The following ARHGAP15 variants were observed in gnomAD, a reference collection of about 807,000 sequenced individuals.
The protein encoded by ARHGAP15 is rho GTPase-activating protein 15.
In ARHGAP15, 51 loss-of-function variants were observed where a neutral mutation model predicts 63.7. That is an observed-to-expected ratio of 0.80 (90% confidence interval 0.64 to 1.01). The LOEUF (loss-of-function observed/expected upper bound fraction) is 1.01. ARHGAP15 is among the 50% of genes least tolerant of loss of function. The probability of loss-of-function intolerance (pLI) is 0.00; values close to 1 mark genes in which losing one functional copy is unlikely to be tolerated. For synonymous variants in ARHGAP15, 191 were observed against 193.8 expected (o/e 0.99, Z 0.12); for missense variants, 560 against 564.6 (o/e 0.99, Z 0.08).
intron 11 of ARHGAP15, among the ~76,000 whole-genome samples, chr2:143,582,644 T>G (rs112993782): frequency 6.6e-6 from 1 of 152,178 alleles, no homozygotes; most frequent in Admixed American, 6.5e-5. Flanking sequence ...TCAGAAAGTC[T>G]GTGTGGGTTG....
chr2:143,452,649 C>T (rs1690459393), intron 8 of ARHGAP15, among the ~76,000 whole-genome samples: 1 of 124,732 alleles, frequency 8.0e-6, no homozygotes, highest in African/African-American at 3.0e-5. Flanking sequence ...CAACTGTGGC[C>T]CCTTTGGATT....
chr2:143,248,919 A>G (rs1023947660), intron 5 of ARHGAP15, among the ~76,000 whole-genome samples: 2 of 152,206 alleles, frequency 1.3e-5, no homozygotes, highest in Non-Finnish European at 2.9e-5. Flanking sequence ...ACTGTATGGG[A>G]AAAATAAGCC....
intron 13 of ARHGAP15, among the ~76,000 whole-genome samples, chr2:143,757,476 A>G (rs746407686): frequency 8.5e-5 from 13 of 152,100 alleles, no homozygotes; most frequent in Non-Finnish European, 1.8e-4. Flanking sequence ...ATGCGACTAC[A>G]TTCCAGCCTG....
intron 10 of ARHGAP15, among the ~76,000 whole-genome samples, chr2:143,532,382 TATA>T (rs1254604306): frequency 6.6e-6 from 1 of 152,230 alleles, no homozygotes; most frequent in Non-Finnish European, 1.5e-5. Flanking sequence ...TTTCCTCACA[TATA>T]ATGTTCATCT....
At chr2:143,382,061 T>TTTCC (rs749074335) in intron 6 of ARHGAP15, among the ~76,000 whole-genome samples, 40 of 150,720 alleles carry the variant, frequency 2.7e-4, no homozygotes, top group Admixed American at 6.6e-4. Context: ...TTCTTGCTTC[T>TTTCC]TTCCTTCCTT....
At chr2:143,631,446 A>C (rs1699067181) in intron 12 of ARHGAP15, among the ~76,000 whole-genome samples, 1 of 152,096 alleles carries the variant, frequency 6.6e-6, no homozygotes, top group South Asian at 2.1e-4. Flanking sequence ...CGTCAACAGT[A>C]TATGAGAGTT....
rs547014569 is a variant in ARHGAP15 at position 143,553,605 on chromosome 2, G to A, written c.926-2803G>A. ...TCCTTTTATGCCAAAAGAAAGTTGT[G>A]TTATTACTTTAGGATGAGGCTGCTT... On this transcript the variant is annotated intron_variant, in intron 10 of 13. Coordinates refer to ENST00000295095, the MANE Select transcript of ARHGAP15 (RefSeq NM_018460.4). 3.9e-5 allele frequency among the ~76,000 whole-genome samples: 6 copies of A among 152,264 alleles called. No homozygotes were observed. The South Asian group carries it at 1.2e-3, about 32-fold the overall frequency.
intron 12 of ARHGAP15, among the ~76,000 whole-genome samples, chr2:143,637,073 C>T (rs901413347): frequency 6.6e-6 from 1 of 150,566 alleles, no homozygotes; most frequent in Non-Finnish European, 1.5e-5. Flanking sequence ...CCAGGAGAGC[C>T]CCACCCTCAT....
chr2:143,309,366 CA>C (rs139575587), intron 6 of ARHGAP15, among the ~76,000 whole-genome samples: 4,423 of 152,090 alleles, frequency 0.029, 104 homozygotes, highest in South Asian at 0.053. Context: ...CCTAAAATCT[CA>C]GAGTCAAGAA....
At chr2:143,134,146 TCTATCTAC>T (rs1399492893) in intron 1 of ARHGAP15, among the ~76,000 whole-genome samples, 60 of 26,848 alleles carry the variant, frequency 2.2e-3, no homozygotes, top group Admixed American at 3.8e-3. Context: ...TATCTATCTA[TCTATCTAC>T]CTATCTATCT....
At chr2:143,463,637 A>C (rs200051571) in intron 8 of ARHGAP15, among the ~76,000 whole-genome samples, 1 of 152,112 alleles carries the variant, frequency 6.6e-6, no homozygotes, top group South Asian at 2.1e-4. Context: ...CCATCCAGCT[A>C]TCCTACATCT....
At chr2:143,438,164 C>A (rs575389160) in intron 8 of ARHGAP15, among the ~76,000 whole-genome samples, 2 of 152,018 alleles carry the variant, frequency 1.3e-5, no homozygotes, top group African/African-American at 2.4e-5. Context: ...TTCCCTCTGA[C>A]AAAATATCAG....
At chr2:143,479,865 C>A (rs1048868664) in intron 8 of ARHGAP15, among the ~76,000 whole-genome samples, 28 of 34,166 alleles carry the variant, frequency 8.2e-4, no homozygotes, top group Non-Finnish European at 1.3e-3. Context: ...ATTTTCATAA[C>A]CTGTGACGCA....
chr2:143,515,322 A>C (rs1693767235), intron 9 of ARHGAP15, among the ~76,000 whole-genome samples: 1 of 152,296 alleles, frequency 6.6e-6, no homozygotes, highest in East Asian at 1.9e-4. Flanking sequence ...GGCTGCAGAT[A>C]ATAGAATACC....
intron 13 of ARHGAP15, among the ~76,000 whole-genome samples, chr2:143,753,850 G>A (rs1686473485): frequency 6.6e-6 from 1 of 152,162 alleles, no homozygotes; most frequent in South Asian, 2.1e-4. Flanking sequence ...CTCATTGTCA[G>A]ATAATATATG....
intron 12 of ARHGAP15, among the ~76,000 whole-genome samples, chr2:143,642,585 T>TCACA (rs1412409504): frequency 1.3e-5 from 2 of 152,094 alleles, no homozygotes; most frequent in Non-Finnish European, 2.9e-5. Flanking sequence ...CACAGCACCT[T>TCACA]GTCCAAGCCA....
chr2:143,685,148 C>G (rs886747837), intron 12 of ARHGAP15, among the ~76,000 whole-genome samples: 1 of 152,106 alleles, frequency 6.6e-6, no homozygotes, highest in Non-Finnish European at 1.5e-5. Flanking sequence ...AACCTCCACA[C>G]CGAAGTCGCA....
intron 12 of ARHGAP15, among the ~76,000 whole-genome samples, chr2:143,697,126 G>C (rs1683885446): frequency 6.6e-6 from 1 of 152,078 alleles, no homozygotes. Context: ...ATGATATACT[G>C]TAACTACTTA....
intron 12 of ARHGAP15, among the ~76,000 whole-genome samples, chr2:143,696,873 G>A (rs1015546168): frequency 1.3e-5 from 2 of 152,092 alleles, no homozygotes; most frequent in South Asian, 4.1e-4. Flanking sequence ...GTTCCTGCTT[G>A]GTCTTTCCTG....
Sources: gnomAD v4.1 joint callset for allele counts (sites outside exome capture counted in the v4.1 genomes callset) on GRCh38, gnomAD v4.1.1 for gene constraint, MANE v1.5 for transcripts, NCBI Gene and HGNC (gene_info 2026-07-23, HGNC 2026-07-21) for gene names.